Variants in MYO16 observed in about 807,000 individuals in gnomAD.
The protein encoded by MYO16 is myosin XVI.
A neutral mutation model predicts 205.3 loss-of-function variants in MYO16; 94 were observed. That is an observed-to-expected ratio of 0.46 (90% confidence interval 0.39 to 0.54). MYO16 has a LOEUF of 0.54. Ranked by LOEUF, MYO16 falls within the 20% of genes least tolerant of loss-of-function variation. MYO16 has a pLI of 0.00. For synonymous variants in MYO16, 988 were observed against 954.0 expected, an observed-to-expected ratio of 1.04 and a Z score of -0.66; for missense variants, 2,315 against 2,387.5, an observed-to-expected ratio of 0.97 and a Z score of 0.63.
At chr13:109,178,573 G>A (rs1487086485) in intron 33 of MYO16, among the ~76,000 whole-genome samples, 1 of 152,214 alleles carries the variant, frequency 6.6e-6, no homozygotes, top group African/African-American at 2.4e-5. Flanking sequence ...AGTTCTCTGA[G>A]TTGAATTCAT....
At chr13:109,027,194 C>G (rs992944687) in intron 23 of MYO16, among the ~76,000 whole-genome samples, 1 of 152,140 alleles carries the variant, frequency 6.6e-6, no homozygotes, top group East Asian at 1.9e-4. Flanking sequence ...GACCCCAGTT[C>G]CTGGCTTGCA....
chr13:108,792,420 A>G (rs1355903406), intron 5 of MYO16, among the ~76,000 whole-genome samples: 1 of 152,176 alleles, frequency 6.6e-6, no homozygotes, highest in East Asian at 1.9e-4. Context: ...GCCATGGTAC[A>G]CTTATCAAAA....
chr13:108,857,794 C>T (rs1878260601), intron 11 of MYO16, among the ~76,000 whole-genome samples: 1 of 152,174 alleles, frequency 6.6e-6, no homozygotes, highest in Non-Finnish European at 1.5e-5. Flanking sequence ...CAAACTCCTG[C>T]CTCTAGCTCC....
At chr13:108,857,375 T>C (rs545432227) in intron 11 of MYO16, among the ~76,000 whole-genome samples, 1 of 152,288 alleles carries the variant, frequency 6.6e-6, no homozygotes, top group East Asian at 1.9e-4. Context: ...CCAGCAAAAC[T>C]GAAAAGATGG....
In MYO16 at chr13:109,140,648, C is replaced by T. The variant is rs558613925; in HGVS notation, c.4436C>T (p.Pro1479Leu). The change falls in exon 32 of 35, where the codon CCG (proline) becomes CTG (leucine). Residue 1479 changes from proline to leucine, a missense_variant. By Grantham distance (98) the Pro-to-Leu change is moderately conservative (BLOSUM62 -3). Transcript: ENST00000457511. This position sits in a 1 kb window ranked among gnomAD's most constrained non-coding sequence, Gnocchi z 8.0. Reference protein sequence around the residue: ...AGSFLLHGASPPLLHRAPEDE... With the variant: ...AGSFLLHGASLPLLHRAPEDE... Reference sequence around the variant, plus strand: ...TCCTTCCTGCTCCACGGCGCATCGCCGCCCCTGCTCCACCGCGCGCCGGAG... The same window carrying T: ...TCCTTCCTGCTCCACGGCGCATCGCTGCCCCTGCTCCACCGCGCGCCGGAG... The T allele has an allele frequency of 2.0e-6, 3 of 1,504,386 alleles. No individual in the cohort carries two copies. The highest frequency in any genetic ancestry group is 1.3e-5 in the South Asian group (1 of 79,642). The allele number at this position is 1,504,386 out of a possible 1,614,324, so 93.2% of individuals were successfully genotyped here.
At chr13:109,073,958 C>T (rs749042508) in intron 27 of MYO16, among the ~76,000 whole-genome samples, 14 of 152,156 alleles carry the variant, frequency 9.2e-5, no homozygotes, top group African/African-American at 2.4e-4. Context: ...TTTTGCACCA[C>T]GGGAAGGTAC....
the MYO16 span, among the ~76,000 whole-genome samples, chr13:108,549,430 C>A: frequency 6.7e-6 from 1 of 148,344 alleles, no homozygotes; most frequent in South Asian, 2.1e-4. Flanking sequence ...TTTTTTTTTT[C>A]CAGTAACGCC....
At chr13:108,773,822 TA>T (rs35999673) in intron 4 of MYO16, among the ~76,000 whole-genome samples, 63,004 of 150,578 alleles carry the variant, frequency 0.42, 14,609 homozygotes, top group East Asian at 0.63. Context: ...TGTTAGCATG[TA>T]AAAAAAAAAG....
At chr13:109,014,252 CA>C (rs531645550) in intron 22 of MYO16, among the ~76,000 whole-genome samples, 140 of 152,194 alleles carry the variant, frequency 9.2e-4, no homozygotes, top group African/African-American at 3.0e-3. Flanking sequence ...GTTTTTGCCA[CA>C]TTTGTCAAAG....
chr13:108,606,219 C>T (rs964129025), intron 1 of MYO16, among the ~76,000 whole-genome samples: 3 of 152,184 alleles, frequency 2.0e-5, no homozygotes, highest in African/African-American at 7.2e-5. Flanking sequence ...AAATTCAAGT[C>T]TTCTGCATAA....
chr13:109,021,147 T>C (rs1886010287), intron 23 of MYO16, among the ~76,000 whole-genome samples: 1 of 152,114 alleles, frequency 6.6e-6, no homozygotes, highest in Admixed American at 6.6e-5. Flanking sequence ...AGGATTCAGT[T>C]GTATAGGAGA....
At chr13:108,583,107 G>C in the MYO16 span, among the ~76,000 whole-genome samples, 1 of 152,214 alleles carries the variant, frequency 6.6e-6, no homozygotes, top group African/African-American at 2.4e-5. Flanking sequence ...TACATCGTGT[G>C]CATTTTGGCT....
At chr13:108,896,102 T>G (rs1242638699) in intron 14 of MYO16, among the ~76,000 whole-genome samples, 1 of 152,160 alleles carries the variant, frequency 6.6e-6, no homozygotes, top group Non-Finnish European at 1.5e-5. Context: ...TATTGACTGT[T>G]AGGGGAACAA....
intron 27 of MYO16, among the ~76,000 whole-genome samples, chr13:109,085,468 TG>T (rs1888411446): frequency 6.6e-6 from 1 of 152,082 alleles, no homozygotes; most frequent in South Asian, 2.1e-4. Flanking sequence ...CCCAGTGGAA[TG>T]GGAGCGAATG....
upstream of MYO16, among the ~76,000 whole-genome samples, chr13:108,627,587 A>G (rs187928857): frequency 1.8e-3 from 276 of 152,312 alleles, no homozygotes; most frequent in Non-Finnish European, 3.4e-3. Context: ...GATGAAAAAT[A>G]AACACATTTG....
At chr13:108,810,535 G>T (rs147332895) in intron 7 of MYO16, among the ~76,000 whole-genome samples, 66 of 152,252 alleles carry the variant, frequency 4.3e-4, no homozygotes, top group African/African-American at 1.5e-3. Context: ...AAGAAAAATA[G>T]TATATGACAT....
intron 21 of MYO16, among the ~76,000 whole-genome samples, chr13:108,994,200 T>C (rs1884929589): frequency 1.3e-5 from 2 of 152,076 alleles, no homozygotes; most frequent in African/African-American, 4.8e-5. Flanking sequence ...AGTAATGGCA[T>C]TTTTTTCACA....
At chr13:108,892,186 A>G (rs139342151) in intron 14 of MYO16, among the ~76,000 whole-genome samples, 15 of 152,242 alleles carry the variant, frequency 9.9e-5, no homozygotes, top group African/African-American at 3.6e-4. Flanking sequence ...AATGACTTTA[A>G]TTTATAACCA....
intron 3 of MYO16, among the ~76,000 whole-genome samples, chr13:108,717,103 A>G (rs1461943679): frequency 6.6e-6 from 1 of 152,210 alleles, no homozygotes; most frequent in Non-Finnish European, 1.5e-5. Context: ...TTATGAAGTA[A>G]AAAACAGTAT....
Sources: allele counts gnomAD v4.1 joint callset (sites outside exome capture counted in the v4.1 genomes callset), GRCh38; gene constraint gnomAD v4.1.1; non-coding constraint Gnocchi (gnomAD v3.1); transcripts MANE v1.5; gene names NCBI Gene and HGNC (gene_info 2026-07-23, HGNC 2026-07-21).